The following PARD3B variants were observed in gnomAD, a reference collection of about 807,000 sequenced individuals.
The protein encoded by PARD3B is partitioning defective 3 homolog B.
A neutral mutation model predicts 130.2 loss-of-function variants in PARD3B; 103 were observed. The ratio of observed to expected loss-of-function variants is 0.79; its 90% confidence interval spans 0.67 to 0.93. The LOEUF is 0.93. Ranked by LOEUF, PARD3B falls within the 40% of genes least tolerant of loss-of-function variation. PARD3B has a pLI of 0.00. For missense variants in PARD3B, 1,609 were observed against 1,499.2 expected (o/e 1.07, Z -1.21); for synonymous variants, 583 against 553.2 (o/e 1.05, Z -0.76).
rs1480960223 is a variant in PARD3B at position 205,292,946 on chromosome 2, T to C, written c.2186-7584T>C. Among the ~76,000 whole-genome samples, 2 of 152,192 alleles carry C rather than the reference T, an allele frequency of 1.3e-5. No individual in the cohort carries two copies. Among genetic ancestry groups the C allele is most frequent in the Non-Finnish European group, 1.5e-5 (1 of 68,028 alleles). ...TTTGGCTTGACATTTTAACATTAGA[T>C]TGAAACCTTGCTTAAAGTGTATTTA... is the stretch of plus-strand genomic sequence containing the variant. On this transcript the variant is annotated intron_variant, in intron 16 of 22. Transcript: ENST00000406610. This position sits in a 1 kb window ranked among gnomAD's most constrained non-coding sequence, Gnocchi z 5.3.
rs193051255 is a variant in PARD3B at position 204,732,282 on chromosome 2, A to G, written c.222+46000A>G. On this transcript the variant is annotated intron_variant, in intron 2 of 22. Coordinates refer to ENST00000406610, the MANE Select transcript of PARD3B (RefSeq NM_001302769.2). ...CACTCCTAGAACACGCTTGGGAAAAAGTCAGCAAGAAGATTGGACCTGGAG... is the reference window on the plus strand; with the variant it reads ...CACTCCTAGAACACGCTTGGGAAAAGGTCAGCAAGAAGATTGGACCTGGAG... 4.6e-5 allele frequency among the ~76,000 whole-genome samples: 7 copies of G among 152,252 alleles called. No homozygotes were observed. The East Asian group carries it at 1.2e-3, about 25-fold the overall frequency.
intron 4 of PARD3B, among the ~76,000 whole-genome samples, chr2:205,063,530 C>T (rs1298069538): frequency 6.6e-6 from 1 of 151,980 alleles, no homozygotes; most frequent in East Asian, 1.9e-4. Context: ...TTCCTTTATC[C>T]GTGTAACTCA....
intron 2 of PARD3B, among the ~76,000 whole-genome samples, chr2:204,859,759 A>T (rs1164479750): frequency 6.6e-6 from 1 of 152,194 alleles, no homozygotes. Context: ...TAGCAGTAAC[A>T]AATCTAGAAA....
At chr2:205,493,393 T>C (rs2106325126) in intron 20 of PARD3B, among the ~76,000 whole-genome samples, 1 of 152,244 alleles carries the variant, frequency 6.6e-6, no homozygotes, top group African/African-American at 2.4e-5. Context: ...TACCAAGGTG[T>C]TTTTCTTTAT....
rs188210258 is a variant in PARD3B at position 204,862,002 on chromosome 2, A to C, written c.223-103150A>C. ...AAAGGGCAAATATTAATTTTTTAGA[A>C]AATTCATTTATTTAGAAACTTTCAC... On this transcript the variant is annotated intron_variant, in intron 2 of 22. Transcript: ENST00000406610. 6.6e-4 allele frequency among the ~76,000 whole-genome samples: 100 copies of C among 151,760 alleles called. 3 individuals carry two copies. Among genetic ancestry groups the C allele is most frequent in the Non-Finnish European group, 3.2e-4 (22 of 67,978 alleles).
rs1331083642 is a variant in PARD3B, at chr2:205,460,418, TG to T, written c.3044+19747del. On this transcript the variant is annotated intron_variant, in intron 20 of 22. Coordinates refer to ENST00000406610, the MANE Select transcript of PARD3B (RefSeq NM_001302769.2). This position sits in a 1 kb window ranked among gnomAD's most constrained non-coding sequence, Gnocchi z 4.9. ...GTGATGATGATGATGATGATGATGATGATGATGATGATGATGATAGTCAATA... is the reference window on the plus strand; with the variant it reads ...GTGATGATGATGATGATGATGATGATATGATGATGATGATGATAGTCAATA... Among the ~76,000 whole-genome samples the T allele has an allele frequency of 6.6e-6, 1 of 151,880 alleles. No homozygotes were observed. Among genetic ancestry groups the T allele is most frequent in the African/African-American group, 2.4e-5 (1 of 41,350 alleles).
chr2:205,007,298 C>G (rs1281867396), intron 3 of PARD3B, among the ~76,000 whole-genome samples: 2 of 152,162 alleles, frequency 1.3e-5, no homozygotes, highest in Non-Finnish European at 2.9e-5. Context: ...ATGTATTACC[C>G]AGTCTCAAGC....
intron 2 of PARD3B, among the ~76,000 whole-genome samples, chr2:204,780,695 A>T (rs796414433): frequency 6.6e-6 from 1 of 152,146 alleles, no homozygotes; most frequent in East Asian, 1.9e-4. Flanking sequence ...GAAGCTACGT[A>T]TCTGAGTGGA....
At chr2:204,847,187 T>C (rs1348636355) in intron 2 of PARD3B, among the ~76,000 whole-genome samples, 1 of 148,456 alleles carries the variant, frequency 6.7e-6, no homozygotes, top group Non-Finnish European at 1.5e-5. Context: ...TTTTTTTTGC[T>C]AAGCATTGTT....
chr2:205,508,783 G>A (rs1041895597), intron 21 of PARD3B, among the ~76,000 whole-genome samples: 2 of 152,218 alleles, frequency 1.3e-5, no homozygotes, highest in South Asian at 2.1e-4. Flanking sequence ...GAAAAAAAGA[G>A]AGAAAAAACC....
At chr2:204,583,531 C>T (rs1216826209) in intron 1 of PARD3B, among the ~76,000 whole-genome samples, 23 of 114,658 alleles carry the variant, frequency 2.0e-4, no homozygotes, top group African/African-American at 5.1e-4. Context: ...TGCTAGATGA[C>T]GAGTTAGTGG....
chr2:205,331,608 C>T (rs1430422500), intron 18 of PARD3B, among the ~76,000 whole-genome samples: 1 of 151,478 alleles, frequency 6.6e-6, no homozygotes, highest in African/African-American at 2.4e-5. Context: ...ATGACAAAAC[C>T]CCATCTCTAC....
intron 4 of PARD3B, among the ~76,000 whole-genome samples, chr2:205,088,652 G>A (rs1306184738): frequency 6.6e-6 from 1 of 152,154 alleles, no homozygotes; most frequent in Non-Finnish European, 1.5e-5. Flanking sequence ...AATGAAGAGA[G>A]TTACTGACTT....
rs1210760936 is a variant in PARD3B, at chr2:205,550,927, G to A, written c.3181-2397G>A. 2.6e-5 allele frequency among the ~76,000 whole-genome samples: 1 copy of A among 39,186 alleles called. No homozygotes were observed. The highest frequency in any genetic ancestry group is 1.3e-3 in the South Asian group (1 of 756). 25.7% of individuals were successfully genotyped at this position (39,186 alleles called of 152,430 possible). On this transcript the variant is annotated intron_variant, in intron 21 of 22. Transcript: ENST00000406610. The surrounding 1 kb of genome is among the most constrained non-coding windows in gnomAD (Gnocchi z 4.5). ...ATGTTATAAATACATATAATTATGT[G>A]TGTGTGTGTGTGTGTATATATATAT...
At chr2:205,058,301 T>A (rs577149820) in intron 4 of PARD3B, among the ~76,000 whole-genome samples, 32 of 152,122 alleles carry the variant, frequency 2.1e-4, no homozygotes, top group Middle Eastern at 3.4e-3. Flanking sequence ...CTGTTGTATT[T>A]GTATACAAAT....
intron 20 of PARD3B, among the ~76,000 whole-genome samples, chr2:205,488,531 C>A (rs116813141): frequency 6.3e-4 from 96 of 152,270 alleles, no homozygotes; most frequent in African/African-American, 2.3e-3. Context: ...TTGGACTCTG[C>A]CTATGATCTC....
intron 3 of PARD3B, among the ~76,000 whole-genome samples, chr2:205,010,359 G>T (rs1050639615): frequency 2.0e-5 from 3 of 152,068 alleles, no homozygotes; most frequent in African/African-American, 7.2e-5. Context: ...CTTTCAATCT[G>T]TGTTATTTGC....
intron 2 of PARD3B, among the ~76,000 whole-genome samples, chr2:204,888,362 GGGAGAGAGGGAGGGAAC>G (rs1434139510): frequency 2.7e-5 from 4 of 145,858 alleles, no homozygotes; most frequent in African/African-American, 1.1e-4. Flanking sequence ...AGAGGAGAAA[GGGAGAGAGGGAGGGAAC>G]TGTGTTGCAC....
intron 22 of PARD3B, among the ~76,000 whole-genome samples, chr2:205,607,458 C>G (rs1425346296): frequency 6.6e-6 from 1 of 152,096 alleles, no homozygotes; most frequent in Non-Finnish European, 1.5e-5. Context: ...TCTGCCACTA[C>G]CAGTGTGACT....
Sources: allele counts gnomAD v4.1 joint callset (sites outside exome capture counted in the v4.1 genomes callset), GRCh38; gene constraint gnomAD v4.1.1; non-coding constraint Gnocchi (gnomAD v3.1); transcripts MANE v1.5; gene names NCBI Gene and HGNC (gene_info 2026-07-23, HGNC 2026-07-21).